The following IFT88 variants were observed in gnomAD, a reference collection of about 807,000 sequenced individuals.
The protein encoded by IFT88 is intraflagellar transport protein 88 homolog.
Under a neutral mutation model 119.5 loss-of-function variants are expected in IFT88, and 74 were observed. The ratio of observed to expected loss-of-function variants is 0.62; its 90% CI spans 0.51 to 0.75. The LOEUF is 0.75. IFT88 is among the 30% of genes least tolerant of loss of function. The pLI is 0.00. For missense variants in IFT88, 961 were observed against 977.7 expected, an observed-to-expected ratio of 0.98 and a Z score of 0.23; for synonymous variants, 279 against 316.7, an observed-to-expected ratio of 0.88 and a Z score of 1.26.
chr13:20,679,189 T>C (rs554514505), intron 24 of IFT88, among the ~76,000 whole-genome samples: 45 of 152,232 alleles, frequency 3.0e-4, no homozygotes, highest in Non-Finnish European at 5.9e-4. Flanking sequence ...GCATTCTGTA[T>C]TTTAGACTAA....
intron 2 of IFT88, among the ~76,000 whole-genome samples, chr13:20,576,657 T>G (rs1019287378): frequency 2.0e-5 from 3 of 152,214 alleles, no homozygotes; most frequent in Non-Finnish European, 4.4e-5. Context: ...TCTGGCACCT[T>G]TGTCAAAAAT....
intron 13 of IFT88, 50 bp from the exon 14 acceptor site, chr13:20,615,743 C>T: frequency 9.5e-7 from 1 of 1,055,326 alleles, no homozygotes; most frequent in Non-Finnish European, 1.4e-6. Flanking sequence ...GAAATCCAAA[C>T]TATTTTATAC....
chr13:20,582,672 A>G (rs181593112), intron 2 of IFT88, among the ~76,000 whole-genome samples: 7 of 152,308 alleles, frequency 4.6e-5, no homozygotes, highest in African/African-American at 1.7e-4. Flanking sequence ...ATCCTTGTAT[A>G]CTTGATGTTT....
At chr13:20,602,494 G>T (rs1297160501) in intron 12 of IFT88, among the ~76,000 whole-genome samples, 2 of 152,062 alleles carry the variant, frequency 1.3e-5, no homozygotes, top group Non-Finnish European at 2.9e-5. Context: ...TATGAGCCTG[G>T]CCAAGGGTAA....
chr13:20,584,861 A>G (rs7998500), intron 3 of IFT88, among the ~76,000 whole-genome samples: 51,941 of 152,054 alleles, frequency 0.34, 9,861 homozygotes, highest in East Asian at 0.7. Flanking sequence ...ACATTGAGCA[A>G]TGCTTGGAGA....
At chr13:20,629,159 A>C (rs1459081642) in intron 15 of IFT88, among the ~76,000 whole-genome samples, 1 of 152,180 alleles carries the variant, frequency 6.6e-6, no homozygotes, top group African/African-American at 2.4e-5. Flanking sequence ...TTTTAAAGTA[A>C]TACACCATTT....
chr13:20,588,777 G>GT (rs2040167592), intron 3 of IFT88, among the ~76,000 whole-genome samples: 1 of 152,160 alleles, frequency 6.6e-6, no homozygotes, highest in Non-Finnish European at 1.5e-5. Flanking sequence ...ACTAGCAGCA[G>GT]TAGGAATCCA....
chr13:20,578,703 C>T (rs774286198), intron 2 of IFT88, among the ~76,000 whole-genome samples: 2 of 152,140 alleles, frequency 1.3e-5, no homozygotes, highest in Non-Finnish European at 2.9e-5. Flanking sequence ...GCATGTGCCA[C>T]CACGCCCGGC....
At chr13:20,631,211 G>A (rs1022639261) in intron 16 of IFT88, 109 bp downstream of exon 16, 13 of 749,714 alleles carry the variant, frequency 1.7e-5, no homozygotes, top group Non-Finnish European at 3.1e-5. Flanking sequence ...GTGGAGAATG[G>A]TAAGTGGACT....
chr13:20,688,451 A>G (rs74036425), intron 24 of IFT88, among the ~76,000 whole-genome samples: 6,641 of 152,314 alleles, frequency 0.044, 186 homozygotes, highest in Middle Eastern at 0.075. Context: ...GTAAGCCTTC[A>G]CTCACATAGT....
In IFT88 at chr13:20,691,053, G is replaced by A. The variant is rs1359009066; in HGVS notation, c.2354-1G>A. 3 of 1,612,370 alleles carry A rather than the reference G, an allele frequency of 1.9e-6. No individual in the cohort carries two copies. The highest frequency in any genetic ancestry group is 2.5e-6 in the Non-Finnish European group (3 of 1,179,580). ...AACGTGACAATCTCTTCGAAACCTAGATGCCTCCTATGTGGACCCACTTGG... is the reference window on the plus strand; with the variant it reads ...AACGTGACAATCTCTTCGAAACCTAAATGCCTCCTATGTGGACCCACTTGG... On this transcript the variant is annotated splice_acceptor_variant, in intron 25 of 25. Transcript: ENST00000351808. LOFTEE classifies it high-confidence loss of function.
At chr13:20,616,115 A>G (rs1156504696) in intron 14 of IFT88, among the ~76,000 whole-genome samples, 2 of 152,224 alleles carry the variant, frequency 1.3e-5, no homozygotes, top group Non-Finnish European at 2.9e-5. Context: ...TCAGTCAACA[A>G]TGGACCACAT....
At chr13:20,582,083 CAG>C (rs148566134) in intron 2 of IFT88, among the ~76,000 whole-genome samples, 2,101 of 151,582 alleles carry the variant, frequency 0.014, 52 homozygotes, top group African/African-American at 0.048. Context: ...TGAAATAAAT[CAG>C]AGGCAAGGAT....
intron 2 of IFT88, among the ~76,000 whole-genome samples, chr13:20,575,116 C>T (rs897853613): frequency 1.3e-5 from 2 of 151,754 alleles, no homozygotes; most frequent in African/African-American, 4.8e-5. Flanking sequence ...CTGCCACTAC[C>T]CTTCCCAGCC....
At chr13:20,633,202 T>C (rs1763880966) in intron 16 of IFT88, among the ~76,000 whole-genome samples, 1 of 152,176 alleles carries the variant, frequency 6.6e-6, no homozygotes, top group South Asian at 2.1e-4. Flanking sequence ...CGAGACTGGG[T>C]AATTTATCAA....
intron 24 of IFT88, among the ~76,000 whole-genome samples, chr13:20,685,139 A>G (rs1045809240): frequency 6.6e-6 from 1 of 152,250 alleles, no homozygotes; most frequent in African/African-American, 2.4e-5. Flanking sequence ...AAGCAATTTT[A>G]GCGAGGAGCA....
chr13:20,617,719 C>G (rs2139712664), intron 14 of IFT88, among the ~76,000 whole-genome samples: 1 of 152,286 alleles, frequency 6.6e-6, no homozygotes, highest in Admixed American at 6.5e-5. Flanking sequence ...CACCATATTC[C>G]TGCTGAGTGG....
chr13:20,571,918 C>G (rs985076347), intron 1 of IFT88, among the ~76,000 whole-genome samples: 2 of 152,172 alleles, frequency 1.3e-5, no homozygotes, highest in African/African-American at 4.8e-5. Context: ...GTTATGTGTC[C>G]TGAGTGCCTC....
intron 22 of IFT88, among the ~76,000 whole-genome samples, chr13:20,660,759 AC>A (rs1329859767): frequency 6.6e-6 from 1 of 152,154 alleles, no homozygotes; most frequent in East Asian, 1.9e-4. Flanking sequence ...GATGTAGGAA[AC>A]TGGGGAAGAA....
Sources: allele counts gnomAD v4.1 joint callset (sites outside exome capture counted in the v4.1 genomes callset), GRCh38; gene constraint gnomAD v4.1.1; transcripts MANE v1.5; gene names NCBI Gene and HGNC (gene_info 2026-07-23, HGNC 2026-07-21).